ZBBX: variants seen among roughly 807,000 people sequenced by gnomAD.
The protein encoded by ZBBX is zinc finger B-box domain containing.
A neutral mutation model predicts 108.5 loss-of-function variants in ZBBX; 101 were observed. The ratio of observed to expected loss-of-function variants is 0.93; its 90% confidence interval spans 0.79 to 1.10. The LOEUF is 1.10. ZBBX is among the 50% of genes least tolerant of loss of function. ZBBX has a pLI of 0.00. For missense variants in ZBBX, 1,009 were observed against 941.4 expected, an observed-to-expected ratio of 1.07 and a Z score of -0.94; for synonymous variants, 356 against 323.4, an observed-to-expected ratio of 1.10 and a Z score of -1.08.
intron 9 of ZBBX, among the ~76,000 whole-genome samples, chr3:167,340,568 T>G (rs1740365358): frequency 6.6e-6 from 1 of 152,068 alleles, no homozygotes; most frequent in African/African-American, 2.4e-5. Context: ...TCCTTCTTTA[T>G]AGATAGTCTT....
the ZBBX span, among the ~76,000 whole-genome samples, chr3:167,189,815 TTA>T: frequency 6.6e-6 from 1 of 152,188 alleles, no homozygotes; most frequent in East Asian, 1.9e-4. Context: ...AATTCATAGT[TTA>T]CATTATGTTC....
chr3:167,357,654 C>A (rs140513685), intron 8 of ZBBX, among the ~76,000 whole-genome samples: 31 of 152,244 alleles, frequency 2.0e-4, no homozygotes, highest in African/African-American at 6.5e-4. Context: ...CACATACATA[C>A]AAAGGAATAT....
In ZBBX at chr3:167,282,316, G is replaced by C; in HGVS notation, c.2176C>G (p.Leu726Val). The C allele has an allele frequency of 1.2e-6, 2 of 1,613,948 alleles. No homozygotes were observed. The highest frequency in any genetic ancestry group is 1.7e-6 in the Non-Finnish European group (2 of 1,179,892). ...EYIDITDQNE[L>V]SLDDTTDQHT... ...TGATCAGTAGTGTCATCTAAGGAAA[G>C]CTCATTCTGGTCAGTAATATCAATA... The change falls in exon 20 of 22, where the codon CTT becomes GTT. Residue 726 changes from leucine to valine, a missense_variant. Physicochemically the swap from Leu to Val is conservative, Grantham distance 32. Transcript: ENST00000675490.
chr3:167,378,872 A>G (rs1227288415), intron 2 of ZBBX, among the ~76,000 whole-genome samples: 1 of 152,180 alleles, frequency 6.6e-6, no homozygotes, highest in African/African-American at 2.4e-5. Flanking sequence ...TTCTCCTTGT[A>G]TAGAAAGACC....
intron 9 of ZBBX, among the ~76,000 whole-genome samples, chr3:167,345,363 T>C (rs1230875953): frequency 2.0e-5 from 3 of 151,942 alleles, no homozygotes; most frequent in Non-Finnish European, 4.4e-5. Flanking sequence ...GGAATGAACA[T>C]GCACTTGTAG....
rs1332596491 is a variant in ZBBX at position 167,343,605 on chromosome 3, C to A, written c.528+6815G>T. Among the ~76,000 whole-genome samples the A allele has an allele frequency of 2.0e-5, 3 of 151,854 alleles. No homozygotes were observed. The East Asian group carries it at 5.8e-4, about 29-fold the overall frequency. On this transcript the variant is annotated intron_variant, in intron 9 of 21. Coordinates refer to ENST00000675490, the MANE Select transcript of ZBBX (RefSeq NM_001199201.2). ...TTATCCCAGGAAGATATACAAATGG[C>A]CACCAAGCACATGAAAAGATGTTTG...
intron 1 of ZBBX, among the ~76,000 whole-genome samples, chr3:167,396,399 G>A (rs1748236561): frequency 6.6e-6 from 1 of 152,052 alleles, no homozygotes; most frequent in Admixed American, 6.6e-5. Flanking sequence ...GCACACTTCA[G>A]TGGCACATAG....
At chr3:167,397,625 C>T (rs1477645862) in intron 1 of ZBBX, among the ~76,000 whole-genome samples, 1 of 151,598 alleles carries the variant, frequency 6.6e-6, no homozygotes, top group Non-Finnish European at 1.5e-5. Context: ...ATTGTTAGCA[C>T]AGTAGTCAAT....
At chr3:167,304,455 C>A (rs1436434735) in intron 17 of ZBBX, among the ~76,000 whole-genome samples, 7 of 152,068 alleles carry the variant, frequency 4.6e-5, no homozygotes, top group Non-Finnish European at 4.4e-5. Context: ...GAAGATAAGC[C>A]CATCTGAAGT....
At chr3:167,303,508 T>G (rs553933899) in intron 17 of ZBBX, among the ~76,000 whole-genome samples, 1 of 147,990 alleles carries the variant, frequency 6.8e-6, no homozygotes, top group Admixed American at 6.7e-5. Context: ...TGCATCCTAC[T>G]TCTTCCTTCC....
intron 16 of ZBBX, among the ~76,000 whole-genome samples, chr3:167,313,507 TC>T (rs1201706731): frequency 6.6e-6 from 1 of 152,068 alleles, no homozygotes; most frequent in African/African-American, 2.4e-5. Flanking sequence ...GGTCTCAAAC[TC>T]CTGACTTCAG....
chr3:167,272,284 A>T (rs985966349), intron 20 of ZBBX, among the ~76,000 whole-genome samples: 2 of 152,168 alleles, frequency 1.3e-5, no homozygotes, highest in African/African-American at 4.8e-5. Context: ...CAGGAATTAC[A>T]TATTTGGTCT....
chr3:167,236,720 C>T (rs1720244241), downstream of ZBBX, among the ~76,000 whole-genome samples: 1 of 151,688 alleles, frequency 6.6e-6, no homozygotes, highest in South Asian at 2.1e-4. Flanking sequence ...AATGACATCC[C>T]ATTCTGAGCG....
At chr3:167,336,157 C>G (rs1358746783) in intron 9 of ZBBX, among the ~76,000 whole-genome samples, 1 of 151,468 alleles carries the variant, frequency 6.6e-6, no homozygotes, top group African/African-American at 2.4e-5. Flanking sequence ...TTAAGTAACA[C>G]AAAACAAAGA....
chr3:167,313,334 G>A (rs1314153016), intron 16 of ZBBX, among the ~76,000 whole-genome samples: 1 of 152,120 alleles, frequency 6.6e-6, no homozygotes, highest in Admixed American at 6.5e-5. Context: ...GGAGTGCAAC[G>A]GTGTGATCTC....
At chr3:167,307,399 T>G (rs1035256696) in intron 16 of ZBBX, among the ~76,000 whole-genome samples, 10 of 152,160 alleles carry the variant, frequency 6.6e-5, no homozygotes, top group African/African-American at 2.4e-4. Context: ...AGAAGCTTCT[T>G]AAGCTGATAA....
At chr3:167,401,402 C>T (rs954919597) in intron 1 of ZBBX, 1 of 151,776 alleles carries the variant, frequency 6.6e-6, no homozygotes, top group Non-Finnish European at 1.5e-5. Context: ...GAATTCAGGG[C>T]GAGTCCATAG....
intron 1 of ZBBX, among the ~76,000 whole-genome samples, chr3:167,399,947 G>A (rs1237340658): frequency 3.3e-5 from 5 of 152,148 alleles, no homozygotes; most frequent in Middle Eastern, 3.4e-3. Context: ...CTATAACTGT[G>A]AATATTCAGT....
At position 167,319,713 on chromosome 3, in the gene ZBBX, T is replaced by G. The variant is rs180845272; in HGVS notation, c.984-2116A>C. Among the ~76,000 whole-genome samples, 1,148 of 152,104 alleles carry G rather than the reference T, an allele frequency of 7.5e-3. 18 individuals carry two copies. The highest frequency in any genetic ancestry group is 0.029 in the Admixed American group (442 of 15,224). ...CTTTCAGTGATATTATTAACAGTAATTTTGAAATTAATTGTCCCTTGTTTC... is the reference window on the plus strand; with the variant it reads ...CTTTCAGTGATATTATTAACAGTAAGTTTGAAATTAATTGTCCCTTGTTTC... On this transcript the variant is annotated intron_variant, in intron 12 of 21. Transcript: ENST00000675490.
Sources: allele counts gnomAD v4.1 joint callset (sites outside exome capture counted in the v4.1 genomes callset), GRCh38; gene constraint gnomAD v4.1.1; transcripts MANE v1.5; gene names NCBI Gene and HGNC (gene_info 2026-07-23, HGNC 2026-07-21).